PPL: variants seen among roughly 807,000 people sequenced by gnomAD.
PPL encodes 190 kDa paraneoplastic pemphigus antigen.
A neutral mutation model predicts 194.4 loss-of-function variants in PPL; 198 were observed. The observed-to-expected ratio is 1.02, with a 90% CI of 0.91 to 1.15. The LOEUF (loss-of-function observed/expected upper bound fraction) is 1.15. Ranked by LOEUF, PPL falls within the 50% of genes most tolerant of loss-of-function variation. PPL has a pLI of 0.00. For synonymous variants in PPL, 1,220 were observed against 972.4 expected (o/e 1.25, Z -4.74); for missense variants, 2,885 against 2,294.8 (o/e 1.26, Z -5.25).
At chr16:4,917,666 C>T (rs1472603207) in intron 1 of PPL, among the ~76,000 whole-genome samples, 2 of 151,364 alleles carry the variant, frequency 1.3e-5, no homozygotes, top group African/African-American at 2.4e-5. Context: ...TTTGGGAGGC[C>T]GAGGTGGGCA....
intron 2 of PPL, among the ~76,000 whole-genome samples, chr16:4,904,347 G>A (rs964798597): frequency 6.6e-6 from 1 of 152,220 alleles, no homozygotes; most frequent in Non-Finnish European, 1.5e-5. Context: ...GCTGTGAACA[G>A]AAGAGACATG....
At chr16:4,919,223 C>A (rs917111825) in intron 1 of PPL, among the ~76,000 whole-genome samples, 3 of 152,188 alleles carry the variant, frequency 2.0e-5, no homozygotes, top group Non-Finnish European at 2.9e-5. Context: ...TCCAGCCCCA[C>A]CTGCTCATTA....
intron 1 of PPL, among the ~76,000 whole-genome samples, chr16:4,924,396 G>A (rs1355338522): frequency 6.6e-6 from 1 of 152,156 alleles, no homozygotes; most frequent in Non-Finnish European, 1.5e-5. Context: ...GAGATTCTAG[G>A]TGATTCTGGG....
chr16:4,883,194 G>C lies in PPL; in HGVS notation c.*190C>G. 1 of 678,956 alleles carries C rather than the reference G, an allele frequency of 1.5e-6. No individual in the cohort carries two copies. Among genetic ancestry groups the C allele is most frequent in the Non-Finnish European group, 2.5e-6 (1 of 406,338 alleles). The allele number at this position is 678,956 out of a possible 1,614,324, so 42.1% of individuals were successfully genotyped here. A position where few individuals can be genotyped will look rare whatever the true frequency, so the allele number is the denominator to read the frequency against. ...CGTCACTCAGGGTGAATGATGGTTGGGACGAGAGTTGCCTGTCTTCAGCCA... is the reference window on the plus strand; with the variant it reads ...CGTCACTCAGGGTGAATGATGGTTGCGACGAGAGTTGCCTGTCTTCAGCCA... On this transcript the variant is annotated 3_prime_UTR_variant, in exon 22 of 22. Transcript: ENST00000345988. This position sits in a 1 kb window ranked among gnomAD's most constrained non-coding sequence, Gnocchi z 4.8.
rs2088369141 is a variant in PPL at position 4,893,919 on chromosome 16, G to A, written c.1395-281C>T. 2.4e-5 allele frequency: 12 copies of A among 498,888 alleles called. No individual in the cohort carries two copies. The South Asian group carries it at 3.8e-4, about 16-fold the overall frequency. 30.9% of individuals were successfully genotyped at this position (498,888 alleles called of 1,614,324 possible). On this transcript the variant is annotated intron_variant, in intron 12 of 21. Transcript: ENST00000345988. ...ACTTCTGAGGGAGCATACACAGTAGGTGCTCAATAAATACTTAATAAATGA... is the reference window on the plus strand; with the variant it reads ...ACTTCTGAGGGAGCATACACAGTAGATGCTCAATAAATACTTAATAAATGA...
At chr16:4,897,949 C>T (rs979218432) in intron 8 of PPL, among the ~76,000 whole-genome samples, 179 bp from the exon 9 acceptor site, 1 of 152,128 alleles carries the variant, frequency 6.6e-6, no homozygotes, top group Non-Finnish European at 1.5e-5. Flanking sequence ...AGAGAGGGGT[C>T]ACGTCAAGGA....
At chr16:4,908,422 T>TTCTC (rs58737308) in intron 2 of PPL, among the ~76,000 whole-genome samples, 31 of 148,532 alleles carry the variant, frequency 2.1e-4, no homozygotes, top group East Asian at 9.8e-4. Flanking sequence ...TCTTCCTTCT[T>TTCTC]TCTCTCTCTC....
In PPL at chr16:4,885,156, T is replaced by C. The variant is rs2088191598; in HGVS notation, c.3499A>G (p.Lys1167Glu). The C allele has an allele frequency of 6.2e-7, 1 of 1,614,110 alleles. No individual in the cohort carries two copies. Among genetic ancestry groups the C allele is most frequent in the Non-Finnish European group, 8.5e-7 (1 of 1,180,026 alleles). ...CGCACCTTCTCCTGCACCACCACTTTGGCGTTCTCCTCCTCCAAGGCCCAT... is the reference window on the plus strand; with the variant it reads ...CGCACCTTCTCCTGCACCACCACTTCGGCGTTCTCCTCCTCCAAGGCCCAT... ...KIWALEEENA[K>E]VVVQEKVREI... Residue 1167 changes from lysine to glutamate, a missense_variant, in exon 22 of 22, where the codon AAA becomes GAA. Lys to Glu is a moderately conservative substitution (Grantham distance 56, BLOSUM62 1). Coordinates refer to ENST00000345988, the MANE Select transcript of PPL (RefSeq NM_002705.5). This position sits in a 1 kb window ranked among gnomAD's most constrained non-coding sequence, Gnocchi z 6.3.
intron 4 of PPL, among the ~76,000 whole-genome samples, chr16:4,901,957 T>TAAATA (rs1555521104): frequency 1.0e-3 from 41 of 40,738 alleles, no homozygotes; most frequent in African/African-American, 1.9e-3. Flanking sequence ...AATAAATAAA[T>TAAATA]AAATAAATAA....
intron 1 of PPL, among the ~76,000 whole-genome samples, chr16:4,929,218 C>T (rs2142426392): frequency 6.6e-6 from 1 of 151,766 alleles, no homozygotes; most frequent in East Asian, 1.9e-4. Context: ...AGTTCTGGTC[C>T]CCTCCCCTCT....
intron 1 of PPL, 54 bp from the exon 2 acceptor site, chr16:4,911,003 T>A: frequency 7.3e-7 from 1 of 1,373,574 alleles, no homozygotes; most frequent in East Asian, 2.3e-5. Flanking sequence ...GTGGGGGCTA[T>A]GTCCCCACCA....
In PPL at chr16:4,892,204, T is replaced by G; in HGVS notation, c.1660A>C (p.Asn554His). The change falls in exon 15 of 22, where the codon AAC becomes CAC. Residue 554 changes from asparagine (N) to histidine (H), a missense_variant. Physicochemically the swap from Asn to His is moderately conservative, Grantham distance 68. Transcript: ENST00000345988. ...ERAKDLKNIT[N>H]ELLRIEPEKT... Reference sequence around the variant, plus strand: ...TCAGGTTCAATCCGCAGTAGCTCGTTGGTGATGTTCTGTGGGAACCAGGGC... The same window carrying G: ...TCAGGTTCAATCCGCAGTAGCTCGTGGGTGATGTTCTGTGGGAACCAGGGC... 1 of 1,611,806 alleles carries G rather than the reference T, an allele frequency of 6.2e-7. No homozygotes were observed. Among genetic ancestry groups the G allele is most frequent in the South Asian group, 1.1e-5 (1 of 91,056 alleles).
intron 3 of PPL, 26 bp downstream of exon 3, chr16:4,903,860 T>C: frequency 1.2e-6 from 2 of 1,611,836 alleles, no homozygotes; most frequent in Non-Finnish European, 1.7e-6. Context: ...ATGGCTCCCC[T>C]GGGGTAAGAA....
intron 2 of PPL, among the ~76,000 whole-genome samples, chr16:4,909,025 G>A (rs754970749): frequency 1.1e-4 from 17 of 152,222 alleles, no homozygotes; most frequent in Non-Finnish European, 2.2e-4. Flanking sequence ...CAAATGACAA[G>A]GGGAGCTGAT....
At chr16:4,914,254 G>A (rs1035596031) in intron 1 of PPL, among the ~76,000 whole-genome samples, 10 of 152,142 alleles carry the variant, frequency 6.6e-5, no homozygotes, top group Non-Finnish European at 1.3e-4. Flanking sequence ...CAAGGTTCTG[G>A]GGCCTAGCAT....
At chr16:4,895,435 G>C (rs2088407562) in intron 10 of PPL, 28 bp from the exon 11 acceptor site, 2 of 1,609,456 alleles carry the variant, frequency 1.2e-6, no homozygotes, top group South Asian at 2.2e-5. Flanking sequence ...AGGGGCCCAG[G>C]TGAGACCAAC....
chr16:4,912,929 C>T (rs2088847904), intron 1 of PPL, among the ~76,000 whole-genome samples: 4 of 152,126 alleles, frequency 2.6e-5, no homozygotes, highest in Non-Finnish European at 5.9e-5. Flanking sequence ...CATGGTGAAA[C>T]CCCATCTCTA....
At chr16:4,896,701 G>A (rs1258319553) in intron 9 of PPL, among the ~76,000 whole-genome samples, 3 of 149,814 alleles carry the variant, frequency 2.0e-5, no homozygotes, top group African/African-American at 7.4e-5. Context: ...GTGCAATGGC[G>A]CGATCTCAGC....
intron 8 of PPL, among the ~76,000 whole-genome samples, chr16:4,898,778 A>T (rs1313460811): frequency 3.9e-5 from 6 of 152,234 alleles, no homozygotes; most frequent in African/African-American, 1.4e-4. Context: ...ACTCTAGGAA[A>T]CTAATACAGA....
Sources: allele counts gnomAD v4.1 joint callset (sites outside exome capture counted in the v4.1 genomes callset), GRCh38; gene constraint gnomAD v4.1.1; non-coding constraint Gnocchi (gnomAD v3.1); transcripts MANE v1.5; gene names NCBI Gene and HGNC (gene_info 2026-07-23, HGNC 2026-07-21).